Variants in KCNQ1OT1 observed in about 807,000 individuals in gnomAD.
The protein encoded by KCNQ1OT1 is KCNQ1 antisense RNA 2 (non-protein coding).
Position 2,661,380 on chromosome 11 carries a change from G to A in KCNQ1OT1, n.38615C>T, listed in dbSNP as rs777171609. The A allele has an allele frequency of 6.6e-5, 27 of 407,878 alleles. No individual in the cohort carries two copies. The highest frequency in any genetic ancestry group is 1.0e-4 in the Non-Finnish European group (24 of 231,076). 25.3% of individuals were successfully genotyped at this position (407,878 alleles called of 1,614,324 possible). On this transcript the variant is annotated non_coding_transcript_exon_variant, in exon 1 of 1. Coordinates refer to ENST00000597346, the Ensembl canonical transcript of KCNQ1OT1. This position sits in a 1 kb window ranked among gnomAD's most constrained non-coding sequence, Gnocchi z 5.9. Reference sequence around the variant, plus strand: ...CAGAGGTGGGCCCAGGAATCATAATGTGAAGCCAGCTGTTGGAGGGACTCC... The same window carrying A: ...CAGAGGTGGGCCCAGGAATCATAATATGAAGCCAGCTGTTGGAGGGACTCC...
chr11:2,691,844 C>T lies in KCNQ1OT1; in HGVS notation n.8151G>A. ...ATGTGACCTCTGCCAGGACCATGACCCCTAGGTCCTCTTTTCCATCCCTCC... is the reference window on the plus strand; with the variant it reads ...ATGTGACCTCTGCCAGGACCATGACTCCTAGGTCCTCTTTTCCATCCCTCC... On this transcript the variant is annotated non_coding_transcript_exon_variant, in exon 1 of 1. Coordinates refer to ENST00000597346, the Ensembl canonical transcript of KCNQ1OT1. The surrounding 1 kb of genome is among the most constrained non-coding windows in gnomAD (Gnocchi z 6.4). 2.5e-6 allele frequency: 1 copy of T among 398,680 alleles called. No individual in the cohort carries two copies. The highest frequency in any genetic ancestry group is 3.6e-5 in the East Asian group (1 of 28,074). 24.7% of individuals were successfully genotyped at this position (398,680 alleles called of 1,614,324 possible).
In KCNQ1OT1 at chr11:2,664,771, A is replaced by C. The variant is rs973947884; in HGVS notation, n.35224T>G. On this transcript the variant is annotated non_coding_transcript_exon_variant, in exon 1 of 1. Transcript: ENST00000597346. The surrounding 1 kb of genome is among the most constrained non-coding windows in gnomAD (Gnocchi z 5.1). Reference sequence around the variant, plus strand: ...TGTGCTGGGGTCTCACAGGGGGCAGAGTGGGTGGGAGGCAGTTACCAAAAA... The same window carrying C: ...TGTGCTGGGGTCTCACAGGGGGCAGCGTGGGTGGGAGGCAGTTACCAAAAA... 14 of 398,606 alleles carry C rather than the reference A, an allele frequency of 3.5e-5. No individual in the cohort carries two copies. The Admixed American group carries it at 6.2e-4, about 18-fold the overall frequency. The allele number at this position is 398,606 out of a possible 1,614,324, so 24.7% of individuals were successfully genotyped here.
Position 2,674,232 on chromosome 11 carries a change from T to C in KCNQ1OT1, n.25763A>G, listed in dbSNP as rs1051141543. ...GTTTTTCTTGGGGCCCAGATAGATGTGAGCAGAGCTGGAGGCCCCTCTCTC... is the reference window on the plus strand; with the variant it reads ...GTTTTTCTTGGGGCCCAGATAGATGCGAGCAGAGCTGGAGGCCCCTCTCTC... On this transcript the variant is annotated non_coding_transcript_exon_variant, in exon 1 of 1. Transcript: ENST00000597346. This position sits in a 1 kb window ranked among gnomAD's most constrained non-coding sequence, Gnocchi z 5.9. 8 of 398,652 alleles carry C rather than the reference T, an allele frequency of 2.0e-5. No homozygotes were observed. Among genetic ancestry groups the C allele is most frequent in the East Asian group, 7.1e-5 (2 of 28,050 alleles). 24.7% of individuals were successfully genotyped at this position (398,652 alleles called of 1,614,324 possible).
chr11:2,684,993 T>C (rs1047104675), exon 1 of KCNQ1OT1: 8 of 398,580 alleles, frequency 2.0e-5, no homozygotes, highest in Non-Finnish European at 3.1e-5. Flanking sequence ...GACTGGTTGC[T>C]TTTCATTCAT....
chr11:2,636,793 C>T lies in KCNQ1OT1; in HGVS notation n.63202G>A, dbSNP rs1277194948. On this transcript the variant is annotated non_coding_transcript_exon_variant, in exon 1 of 1. Transcript: ENST00000597346. The stretch of plus-strand genomic sequence containing the variant: ...TCCTCCTTGTACCTCTGGTAGAATT[C>T]GGCTGTGAATCCGTCTGGTCCTGGA... The T allele has an allele frequency of 4.6e-5, 7 of 152,250 alleles. No individual in the cohort carries two copies. The East Asian group carries it at 5.8e-4, about 13-fold the overall frequency. The allele number at this position is 152,250 out of a possible 1,614,324, so 9.4% of individuals were successfully genotyped here.
At position 2,683,227 on chromosome 11, in the gene KCNQ1OT1, T is replaced by C. The variant is rs143423667; in HGVS notation, n.16768A>G. On this transcript the variant is annotated non_coding_transcript_exon_variant, in exon 1 of 1. Transcript: ENST00000597346. This position sits in a 1 kb window ranked among gnomAD's most constrained non-coding sequence, Gnocchi z 4.7. ...CATTGTGATGGAACTAGAGGTGAGA[T>C]ACAGAGCAGGAGTCCATGGCACCTC... 5.5e-5 allele frequency: 22 copies of C among 398,648 alleles called. No homozygotes were observed. The East Asian group carries it at 7.1e-4, about 13-fold the overall frequency. The allele number at this position is 398,648 out of a possible 1,614,324, so 24.7% of individuals were successfully genotyped here.
chr11:2,636,378 A>T (rs199961157), exon 1 of KCNQ1OT1: 1 of 151,972 alleles, frequency 6.6e-6, no homozygotes, highest in South Asian at 2.1e-4. Flanking sequence ...TAATTTATTG[A>T]GAGTTTTTAG....
exon 1 of KCNQ1OT1, chr11:2,694,354 G>T (rs1201406922): frequency 5.0e-6 from 2 of 398,564 alleles, no homozygotes; most frequent in Non-Finnish European, 8.8e-6. Flanking sequence ...ATATGGCAAT[G>T]TCTGGAGATA....
chr11:2,620,449 CAG>C lies in KCNQ1OT1; in HGVS notation n.79544_79545del. ...CAGGCTGGTCTCGAACTCCTGACCT[CAG>C]GTGATCCACCCGCCTTGGCCTCCCA... On this transcript the variant is annotated non_coding_transcript_exon_variant, in exon 1 of 1. Coordinates refer to ENST00000597346, the Ensembl canonical transcript of KCNQ1OT1. The surrounding 1 kb of genome is among the most constrained non-coding windows in gnomAD (Gnocchi z 4.5). The C allele has an allele frequency of 3.4e-6, 1 of 298,414 alleles. No individual in the cohort carries two copies. Among genetic ancestry groups the C allele is most frequent in the South Asian group, 1.6e-4 (1 of 6,118 alleles). 18.5% of individuals were successfully genotyped at this position (298,414 alleles called of 1,614,324 possible).
chr11:2,633,688 T>C, exon 1 of KCNQ1OT1: 1 of 398,634 alleles, frequency 2.5e-6, no homozygotes, highest in Non-Finnish European at 4.4e-6. Context: ...TAAATTTATT[T>C]ACTTCTGGGT....
At chr11:2,650,479 T>G in exon 1 of KCNQ1OT1, 2 of 398,692 alleles carry the variant, frequency 5.0e-6, no homozygotes, top group Non-Finnish European at 8.8e-6. Context: ...TCTGGTTCAG[T>G]GCAGAAGTGT....
At chr11:2,616,199 CTTTTGTTTTTTTTTCTTAT>C (rs976040447) in exon 1 of KCNQ1OT1, 7 of 395,610 alleles carry the variant, frequency 1.8e-5, no homozygotes, top group African/African-American at 1.0e-4. Flanking sequence ...ATCGTTCCCA[CTTTTGTTTTTTTTTCTTAT>C]TTTTGTTTTT....
At chr11:2,685,969 T>G (rs1850482569) in exon 1 of KCNQ1OT1, 1 of 398,740 alleles carries the variant, frequency 2.5e-6, no homozygotes, top group East Asian at 3.6e-5. Flanking sequence ...GGATGAGGCC[T>G]GTACACTCTG....
At position 2,642,933 on chromosome 11, in the gene KCNQ1OT1, G is replaced by A. The variant is rs1849602845; in HGVS notation, n.57062C>T. The A allele has an allele frequency of 2.5e-6, 1 of 397,662 alleles. No homozygotes were observed. Among genetic ancestry groups the A allele is most frequent in the East Asian group, 3.6e-5 (1 of 27,950 alleles). The allele number at this position is 397,662 out of a possible 1,614,324, so 24.6% of individuals were successfully genotyped here. On this transcript the variant is annotated non_coding_transcript_exon_variant, in exon 1 of 1. Coordinates refer to ENST00000597346, the Ensembl canonical transcript of KCNQ1OT1. This position sits in a 1 kb window ranked among gnomAD's most constrained non-coding sequence, Gnocchi z 4.3. ...TCTTCTTTGACCCATTGGTCATTCA[G>A]GAACATGTTAATTTCCATTTATTTA... is the stretch of plus-strand genomic sequence containing the variant.
In KCNQ1OT1 at chr11:2,661,192, T is replaced by C; in HGVS notation, n.38803A>G. 1 of 398,618 alleles carries C rather than the reference T, an allele frequency of 2.5e-6. No individual in the cohort carries two copies. 24.7% of individuals were successfully genotyped at this position (398,618 alleles called of 1,614,324 possible). On this transcript the variant is annotated non_coding_transcript_exon_variant, in exon 1 of 1. Transcript: ENST00000597346. The surrounding 1 kb of genome is among the most constrained non-coding windows in gnomAD (Gnocchi z 5.9). ...GATGACCTTGGGGGAGGAAAGCCAT[T>C]GTGAATCTTTGAATTATTCCACTTC...
At position 2,612,071 on chromosome 11, in the gene KCNQ1OT1, T is replaced by TTA; in HGVS notation, n.87923_87924insTA. 1 of 398,634 alleles carries TTA rather than the reference T, an allele frequency of 2.5e-6. No individual in the cohort carries two copies. Among genetic ancestry groups the TTA allele is most frequent in the Non-Finnish European group, 4.4e-6 (1 of 226,072 alleles). 24.7% of individuals were successfully genotyped at this position (398,634 alleles called of 1,614,324 possible). A position where few individuals can be genotyped will look rare whatever the true frequency, so the allele number is the denominator to read the frequency against. ...ATATATGTTACAACTTAATTACACA[T>TTA]ACATTGTTACACATCCTGTTAGGAC... is the stretch of plus-strand genomic sequence containing the variant. On this transcript the variant is annotated non_coding_transcript_exon_variant, in exon 1 of 1. Transcript: ENST00000597346. This position sits in a 1 kb window ranked among gnomAD's most constrained non-coding sequence, Gnocchi z 5.5.
In KCNQ1OT1 at chr11:2,674,999, G is replaced by A. The variant is rs577543061; in HGVS notation, n.24996C>T. 14 of 398,518 alleles carry A rather than the reference G, an allele frequency of 3.5e-5. No individual in the cohort carries two copies. Among genetic ancestry groups the A allele is most frequent in the East Asian group, 2.5e-4 (7 of 28,058 alleles). The allele number at this position is 398,518 out of a possible 1,614,324, so 24.7% of individuals were successfully genotyped here. ...CTCTTACAGTGGCGGGCACTCAGCC[G>A]GCTTCTTCCCGCCTGACTTCTCTGC... On this transcript the variant is annotated non_coding_transcript_exon_variant, in exon 1 of 1. Transcript: ENST00000597346. This position sits in a 1 kb window ranked among gnomAD's most constrained non-coding sequence, Gnocchi z 5.9.
In KCNQ1OT1 at chr11:2,654,095, C is replaced by T. The variant is rs117852175; in HGVS notation, n.45900G>A. The T allele has an allele frequency of 2.2e-3, 890 of 398,758 alleles. 1 individual carries two copies. Among genetic ancestry groups the T allele is most frequent in the Middle Eastern group, 3.1e-3 (5 of 1,588 alleles). The allele number at this position is 398,758 out of a possible 1,614,324, so 24.7% of individuals were successfully genotyped here. On this transcript the variant is annotated non_coding_transcript_exon_variant, in exon 1 of 1. Coordinates refer to ENST00000597346, the Ensembl canonical transcript of KCNQ1OT1. This position sits in a 1 kb window ranked among gnomAD's most constrained non-coding sequence, Gnocchi z 6.4. ...CTTTCCATCCATGTCCCTTACTTCTCGCCTCTGAGTGGAGACACAGGTGGT... is the reference window on the plus strand; with the variant it reads ...CTTTCCATCCATGTCCCTTACTTCTTGCCTCTGAGTGGAGACACAGGTGGT...
Position 2,645,891 on chromosome 11 carries a change from G to A in KCNQ1OT1, n.54104C>T. ...GATTCAGGGTGATCTCCCTCTCTGG[G>A]AGCTGTTCATTGCCATTTCACAGTC... On this transcript the variant is annotated non_coding_transcript_exon_variant, in exon 1 of 1. Coordinates refer to ENST00000597346, the Ensembl canonical transcript of KCNQ1OT1. This position sits in a 1 kb window ranked among gnomAD's most constrained non-coding sequence, Gnocchi z 5.8. The A allele has an allele frequency of 5.0e-6, 2 of 398,632 alleles. No homozygotes were observed. Among genetic ancestry groups the A allele is most frequent in the East Asian group, 7.1e-5 (2 of 28,072 alleles). 24.7% of individuals were successfully genotyped at this position (398,632 alleles called of 1,614,324 possible).
Sources: allele counts gnomAD v4.1 joint callset, GRCh38; gene constraint gnomAD v4.1.1; non-coding constraint Gnocchi (gnomAD v3.1); transcripts MANE v1.5; gene names NCBI Gene and HGNC (gene_info 2026-07-23, HGNC 2026-07-21).